Variants in ADAM23 observed in about 807,000 individuals in gnomAD.
The protein encoded by ADAM23 is ADAM metallopeptidase domain 23, also known as disintegrin and metalloproteinase domain-containing protein 23.
A neutral mutation model predicts 120.1 loss-of-function variants in ADAM23; 33 were observed. That is an observed-to-expected ratio of 0.27 (90% CI 0.21 to 0.37). The LOEUF is 0.37. Among genes scored for constraint, ADAM23 ranks in the 10% least tolerant of loss-of-function variants. ADAM23 has a pLI of 1.00. For synonymous variants in ADAM23, 367 were observed against 375.2 expected (o/e 0.98, Z 0.25); for missense variants, 862 against 1,058.2 (o/e 0.81, Z 2.57).
At chr2:206,564,592 G>T (rs1019894100) in intron 13 of ADAM23, among the ~76,000 whole-genome samples, 1 of 152,150 alleles carries the variant, frequency 6.6e-6, no homozygotes, top group Non-Finnish European at 1.5e-5. Context: ...AGACAAAAAG[G>T]TGTTATTCCC....
At chr2:206,475,415 T>C (rs7598482) in intron 2 of ADAM23, among the ~76,000 whole-genome samples, 100,216 of 151,870 alleles carry the variant, frequency 0.66, 33,542 homozygotes, top group Admixed American at 0.72. Context: ...CATGTTTCTC[T>C]AGCTACAGGA....
Position 206,596,114 on chromosome 2 carries a change from C to G in ADAM23, c.2311C>G (p.Arg771Gly). The change falls in exon 24 of 26, where the codon CGG becomes GGG. Residue 771 changes from arginine (R) to glycine (G), a missense_variant. Coordinates refer to ENST00000264377, the MANE Select transcript of ADAM23 (RefSeq NM_003812.4). ...FTWAGTDCSI[R>G]DPVRNLHPPK... ...CTGGGCAGGGACAGATTGCAGTATC[C>G]GGGATCCAGTTAGGAACCTTCACCC... 1 of 1,613,990 alleles carries G rather than the reference C, an allele frequency of 6.2e-7. No individual in the cohort carries two copies. The highest frequency in any genetic ancestry group is 8.5e-7 in the Non-Finnish European group (1 of 1,179,964).
At chr2:206,515,855 A>C (rs1415008694) in intron 3 of ADAM23, among the ~76,000 whole-genome samples, 1 of 151,916 alleles carries the variant, frequency 6.6e-6, no homozygotes, top group African/African-American at 2.4e-5. Context: ...TGGTCTTAGT[A>C]GTGACAGCTT....
At chr2:206,596,344 G>C (rs560490745) in intron 24 of ADAM23, among the ~76,000 whole-genome samples, 182 bp downstream of exon 24, 2 of 152,170 alleles carry the variant, frequency 1.3e-5, no homozygotes, top group East Asian at 3.8e-4. Flanking sequence ...TTTTTAAAAT[G>C]TGTTTGAATT....
At chr2:206,526,352 A>C (rs935916332) in intron 3 of ADAM23, among the ~76,000 whole-genome samples, 3 of 152,160 alleles carry the variant, frequency 2.0e-5, no homozygotes, top group Non-Finnish European at 4.4e-5. Context: ...TAAATCCTGA[A>C]ATTAGGACAG....
chr2:206,486,881 C>G (rs1434837913), intron 3 of ADAM23, among the ~76,000 whole-genome samples: 1 of 152,214 alleles, frequency 6.6e-6, no homozygotes, highest in South Asian at 2.1e-4. Flanking sequence ...TTAGCAGTCA[C>G]TCCCCATTCC....
intron 24 of ADAM23, among the ~76,000 whole-genome samples, chr2:206,604,740 A>G (rs1312757451): frequency 2.0e-5 from 3 of 152,142 alleles, no homozygotes; most frequent in African/African-American, 7.2e-5. Context: ...AGTGAGCCCA[A>G]TTGTAAGCCT....
At chr2:206,471,103 G>A (rs1298410176) in intron 2 of ADAM23, among the ~76,000 whole-genome samples, 1 of 152,146 alleles carries the variant, frequency 6.6e-6, no homozygotes, top group Non-Finnish European at 1.5e-5. Context: ...AGGTATTTCA[G>A]GAGAAGAGAG....
intron 3 of ADAM23, among the ~76,000 whole-genome samples, chr2:206,508,638 G>T (rs1696552464): frequency 7.3e-6 from 1 of 136,720 alleles, no homozygotes; most frequent in African/African-American, 2.7e-5. Context: ...CCTGGACTGA[G>T]ACTGAGACTC....
At chr2:206,466,175 A>T (rs1199644349) in intron 2 of ADAM23, among the ~76,000 whole-genome samples, 1 of 152,186 alleles carries the variant, frequency 6.6e-6, no homozygotes, top group Non-Finnish European at 1.5e-5. Context: ...AAAATCAAAG[A>T]TAAACATTAT....
Position 206,618,747 on chromosome 2 carries a change from A to G in ADAM23, c.*1120A>G, listed in dbSNP as rs1447644096. ...AACAACAAAATAACCCATATCAAAG[A>G]CACAAAATTATGTAAATGGAAATAT... is the stretch of plus-strand genomic sequence containing the variant. On this transcript the variant is annotated 3_prime_UTR_variant, in exon 26 of 26. Coordinates refer to ENST00000264377, the MANE Select transcript of ADAM23 (RefSeq NM_003812.4). 2.6e-5 allele frequency: 4 copies of G among 152,192 alleles called. No homozygotes were observed. The highest frequency in any genetic ancestry group is 9.7e-5 in the African/African-American group (4 of 41,436). The allele number at this position is 152,192 out of a possible 1,614,324, so 9.4% of individuals were successfully genotyped here.
chr2:206,550,847 T>C (rs925344719), intron 9 of ADAM23, among the ~76,000 whole-genome samples: 2 of 152,182 alleles, frequency 1.3e-5, no homozygotes, highest in East Asian at 1.9e-4. Context: ...GTGATCCGCC[T>C]GCCTCGGCCT....
chr2:206,598,097 G>C (rs567263524), intron 24 of ADAM23, among the ~76,000 whole-genome samples: 3 of 152,164 alleles, frequency 2.0e-5, no homozygotes, highest in Admixed American at 2.0e-4. Context: ...TTTAAAACTA[G>C]AACAAAAAAT....
At chr2:206,594,386 C>T (rs1698481717) in intron 22 of ADAM23, among the ~76,000 whole-genome samples, 2 of 152,090 alleles carry the variant, frequency 1.3e-5, no homozygotes, top group Admixed American at 6.5e-5. Flanking sequence ...CATCTGAAAG[C>T]CTTGGAGAGC....
At chr2:206,487,975 A>G (rs937794506) in intron 3 of ADAM23, among the ~76,000 whole-genome samples, 7 of 152,218 alleles carry the variant, frequency 4.6e-5, no homozygotes, top group African/African-American at 1.7e-4. Flanking sequence ...AACAATCTTT[A>G]TTCTGATTTT....
chr2:206,508,179 A>G (rs929060731), intron 3 of ADAM23, among the ~76,000 whole-genome samples: 35 of 152,038 alleles, frequency 2.3e-4, no homozygotes, highest in South Asian at 2.3e-3. Flanking sequence ...ACAGGCATCC[A>G]CCACCACGCC....
intron 24 of ADAM23, among the ~76,000 whole-genome samples, chr2:206,604,563 T>G (rs1698697533): frequency 6.6e-6 from 1 of 152,178 alleles, no homozygotes; most frequent in Non-Finnish European, 1.5e-5. Context: ...ATCTTTTTGT[T>G]TGTTTGTTTT....
intron 18 of ADAM23, among the ~76,000 whole-genome samples, chr2:206,574,172 TTCA>T (rs1190335758): frequency 3.9e-5 from 6 of 152,174 alleles, no homozygotes; most frequent in Non-Finnish European, 5.9e-5. Flanking sequence ...CAACGTCATC[TTCA>T]TCATCATGTC....
At chr2:206,521,624 T>G (rs1190009847) in intron 3 of ADAM23, among the ~76,000 whole-genome samples, 2 of 152,230 alleles carry the variant, frequency 1.3e-5, no homozygotes, top group African/African-American at 4.8e-5. Context: ...TATATGTGAA[T>G]GTATGTATAT....
Sources: gnomAD v4.1 joint callset for allele counts (sites outside exome capture counted in the v4.1 genomes callset) on GRCh38, gnomAD v4.1.1 for gene constraint, MANE v1.5 for transcripts, NCBI Gene and HGNC (gene_info 2026-07-23, HGNC 2026-07-21) for gene names.